Variants in BTRC observed in about 807,000 individuals in gnomAD.
The protein encoded by BTRC is beta-transducin repeat containing E3 ubiquitin protein ligase, also known as F-box/WD repeat-containing protein 1A.
In BTRC, 42 loss-of-function variants were observed where a neutral mutation model predicts 85.5. The ratio of observed to expected loss-of-function variants is 0.49; its 90% CI spans 0.38 to 0.64. The LOEUF is 0.64. Among genes scored for constraint, BTRC ranks in the 30% least tolerant of loss-of-function variants. BTRC has a pLI of 0.00. For synonymous variants in BTRC, 255 were observed against 263.3 expected, an observed-to-expected ratio of 0.97 and a Z score of 0.30; for missense variants, 594 against 743.5, an observed-to-expected ratio of 0.80 and a Z score of 2.34.
intron 4 of BTRC, among the ~76,000 whole-genome samples, chr10:101,483,152 CAT>C (rs1316736992): frequency 6.6e-6 from 1 of 152,116 alleles, no homozygotes; most frequent in Non-Finnish European, 1.5e-5. Context: ...CCAGAAATAT[CAT>C]AGTCTTATGA....
intron 4 of BTRC, among the ~76,000 whole-genome samples, chr10:101,520,680 G>A (rs374688444): frequency 2.0e-5 from 3 of 152,094 alleles, no homozygotes; most frequent in Non-Finnish European, 4.4e-5. Context: ...GTTGTTGGCC[G>A]GGCACGGTGG....
intron 2 of BTRC, among the ~76,000 whole-genome samples, chr10:101,457,965 T>C (rs1032526293): frequency 2.0e-5 from 3 of 152,182 alleles, no homozygotes; most frequent in African/African-American, 7.2e-5. Flanking sequence ...TAAATACATA[T>C]ACACACGCAC....
At chr10:101,356,449 T>G (rs1005968608) in intron 1 of BTRC, among the ~76,000 whole-genome samples, 1 of 152,238 alleles carries the variant, frequency 6.6e-6, no homozygotes, top group Non-Finnish European at 1.5e-5. Context: ...AATCTCTGCT[T>G]TGTACCAGTG....
At chr10:101,421,359 T>C (rs1229347407) in intron 1 of BTRC, among the ~76,000 whole-genome samples, 1 of 152,226 alleles carries the variant, frequency 6.6e-6, no homozygotes, top group African/African-American at 2.4e-5. Flanking sequence ...AAGTGCCATT[T>C]TAATGTAACA....
At chr10:101,382,660 A>G (rs1231142256) in intron 1 of BTRC, among the ~76,000 whole-genome samples, 6 of 152,218 alleles carry the variant, frequency 3.9e-5, no homozygotes, top group Admixed American at 2.6e-4. Flanking sequence ...GTAAGTATTC[A>G]GAGGAGCAAA....
At chr10:101,490,975 C>T (rs1946114854) in intron 4 of BTRC, among the ~76,000 whole-genome samples, 1 of 151,928 alleles carries the variant, frequency 6.6e-6, no homozygotes, top group African/African-American at 2.4e-5. Flanking sequence ...GGGAGACTCA[C>T]TTGAACCTGG....
chr10:101,508,366 G>A (rs1207630335), intron 4 of BTRC, among the ~76,000 whole-genome samples: 2 of 152,030 alleles, frequency 1.3e-5, no homozygotes, highest in African/African-American at 2.4e-5. Flanking sequence ...TGACAAATCT[G>A]CCCCTTCCTG....
intron 4 of BTRC, among the ~76,000 whole-genome samples, chr10:101,490,255 CCCTTCCTTCCTTTCTTCTT>C (rs1946095782): frequency 6.6e-6 from 1 of 152,060 alleles, no homozygotes; most frequent in East Asian, 1.9e-4. Context: ...CTGCCTCCCT[CCCTTCCTTCCTTTCTTCTT>C]CCTTCCTTCC....
intron 1 of BTRC, among the ~76,000 whole-genome samples, chr10:101,387,949 C>G (rs1943128321): frequency 6.6e-6 from 1 of 151,940 alleles, no homozygotes; most frequent in Non-Finnish European, 1.5e-5. Flanking sequence ...CTCGGCCTCC[C>G]AAAGTGCTGG....
intron 3 of BTRC, among the ~76,000 whole-genome samples, chr10:101,472,121 T>C (rs1374786061): frequency 2.0e-5 from 3 of 152,230 alleles, no homozygotes; most frequent in Non-Finnish European, 4.4e-5. Context: ...TTTACATCTA[T>C]ATTTATATAC....
intron 1 of BTRC, among the ~76,000 whole-genome samples, chr10:101,389,037 C>T (rs1195086932): frequency 6.6e-6 from 1 of 150,840 alleles, no homozygotes; most frequent in Non-Finnish European, 1.5e-5. Context: ...GTCTCTAACC[C>T]ATCCTTTTAC....
At chr10:101,391,897 A>ACAAG (rs1223744662) in intron 1 of BTRC, among the ~76,000 whole-genome samples, 1 of 152,160 alleles carries the variant, frequency 6.6e-6, no homozygotes, top group Non-Finnish European at 1.5e-5. Context: ...GTTCAATATT[A>ACAAG]TTTTTACCTT....
At chr10:101,481,972 T>C (rs956921565) in intron 4 of BTRC, among the ~76,000 whole-genome samples, 3 of 152,192 alleles carry the variant, frequency 2.0e-5, no homozygotes, top group Non-Finnish European at 4.4e-5. Context: ...ATTTTCTTTC[T>C]TGCAACAGTC....
chr10:101,498,636 A>G (rs1946324184), intron 4 of BTRC, among the ~76,000 whole-genome samples: 1 of 152,186 alleles, frequency 6.6e-6, no homozygotes, highest in Non-Finnish European at 1.5e-5. Flanking sequence ...ACAGTTTTAA[A>G]GTTTAGTGGG....
At chr10:101,506,308 A>G (rs909659177) in intron 4 of BTRC, among the ~76,000 whole-genome samples, 3 of 152,222 alleles carry the variant, frequency 2.0e-5, no homozygotes, top group Non-Finnish European at 4.4e-5. Flanking sequence ...CTATTGTAGC[A>G]CATGGTGAAT....
chr10:101,536,028 TC>T (rs1421937256), intron 11 of BTRC, among the ~76,000 whole-genome samples: 1 of 152,232 alleles, frequency 6.6e-6, no homozygotes, highest in Non-Finnish European at 1.5e-5. Flanking sequence ...CTTGAATTGC[TC>T]TGAAAACGTA....
chr10:101,512,239 T>C (rs540180312), intron 4 of BTRC, among the ~76,000 whole-genome samples: 1 of 152,356 alleles, frequency 6.6e-6, no homozygotes. Flanking sequence ...CCCTTGCCTA[T>C]TTTATTCTTA....
At chr10:101,540,134 T>C (rs543623027) in intron 13 of BTRC, among the ~76,000 whole-genome samples, 1 of 152,382 alleles carries the variant, frequency 6.6e-6, no homozygotes, top group Non-Finnish European at 1.5e-5. Flanking sequence ...TTAAGTCTAC[T>C]GCATTGACTT....
intron 4 of BTRC, among the ~76,000 whole-genome samples, chr10:101,517,959 C>T (rs2062045992): frequency 7.1e-6 from 1 of 140,798 alleles, no homozygotes; most frequent in Non-Finnish European, 1.5e-5. Context: ...GTCGCCCAGG[C>T]TGGAGTGCAG....
Sources: allele counts gnomAD v4.1 joint callset (sites outside exome capture counted in the v4.1 genomes callset), GRCh38; gene constraint gnomAD v4.1.1; transcripts MANE v1.5; gene names NCBI Gene and HGNC (gene_info 2026-07-23, HGNC 2026-07-21).